NOSTRIN: variants seen among roughly 807,000 people sequenced by gnomAD.
NOSTRIN encodes the protein nitric oxide synthase trafficking.
Under a neutral mutation model 59.0 loss-of-function variants are expected in NOSTRIN, and 63 were observed. That is an observed-to-expected ratio of 1.07 (90% CI 0.87 to 1.32). The LOEUF is 1.32. Among genes scored for constraint, NOSTRIN ranks in the 40% most tolerant of loss-of-function variants. The pLI is 0.00. For missense variants in NOSTRIN, 512 were observed against 473.1 expected, an observed-to-expected ratio of 1.08 and a Z score of -0.76; for synonymous variants, 200 against 165.4, an observed-to-expected ratio of 1.21 and a Z score of -1.61.
At chr2:168,840,208 C>A (rs1687991414) in intron 7 of NOSTRIN, among the ~76,000 whole-genome samples, 1 of 151,896 alleles carries the variant, frequency 6.6e-6, no homozygotes, top group Non-Finnish European at 1.5e-5. Context: ...TTTCTACAGA[C>A]ACATGTGGTT....
At position 168,865,382 on chromosome 2, in the gene NOSTRIN, G is replaced by GAGCCT. The variant is rs1353966064; in HGVS notation, c.*412_*413insAGCCT. The GAGCCT allele has an allele frequency of 6.2e-6, 1 of 160,028 alleles. No homozygotes were observed. The highest frequency in any genetic ancestry group is 2.4e-5 in the African/African-American group (1 of 41,498). 9.9% of individuals were successfully genotyped at this position (160,028 alleles called of 1,614,324 possible). A position where few individuals can be genotyped will look rare whatever the true frequency, so the allele number is the denominator to read the frequency against. On this transcript the variant is annotated 3_prime_UTR_variant, in exon 16 of 16. Transcript: ENST00000317647. ...CAACAGAACACAGCAGGCCTATGAG[G>GAGCCT]GGGTCAAGCAGAGCCTGGGAGATGA...
chr2:168,842,295 C>A (rs1236003679), intron 7 of NOSTRIN, among the ~76,000 whole-genome samples: 6 of 152,082 alleles, frequency 3.9e-5, no homozygotes, highest in Non-Finnish European at 8.8e-5. Flanking sequence ...GCTTCTGAGG[C>A]CTTGATTTTG....
At chr2:168,853,492 G>A (rs1322954192) in intron 10 of NOSTRIN, among the ~76,000 whole-genome samples, 2 of 152,180 alleles carry the variant, frequency 1.3e-5, no homozygotes, top group African/African-American at 4.8e-5. Context: ...AAGGACAAAT[G>A]TTAAGAGTTA....
At chr2:168,857,921 G>A (rs1273893092) in intron 12 of NOSTRIN, among the ~76,000 whole-genome samples, 2 of 152,192 alleles carry the variant, frequency 1.3e-5, no homozygotes. Context: ...CTTGAGTAAG[G>A]TGCTGTTGCA....
intron 5 of NOSTRIN, among the ~76,000 whole-genome samples, chr2:168,830,052 G>A (rs985917796): frequency 5.9e-5 from 9 of 152,174 alleles, no homozygotes; most frequent in African/African-American, 1.9e-4. Flanking sequence ...AGAGTTTCGG[G>A]TGATGGACAG....
intron 10 of NOSTRIN, among the ~76,000 whole-genome samples, chr2:168,855,134 A>G (rs955840184): frequency 4.6e-5 from 7 of 152,380 alleles, no homozygotes; most frequent in Admixed American, 3.9e-4. Flanking sequence ...GTGCTCGGCC[A>G]TGTGACTTAA....
chr2:168,825,532 G>T (rs906674310), intron 3 of NOSTRIN, among the ~76,000 whole-genome samples: 3 of 152,154 alleles, frequency 2.0e-5, no homozygotes, highest in Non-Finnish European at 2.9e-5. Flanking sequence ...GTAATAATAT[G>T]TGCTCTATTG....
intron 5 of NOSTRIN, among the ~76,000 whole-genome samples, chr2:168,829,479 C>G (rs778163668): frequency 1.6e-4 from 25 of 152,076 alleles, no homozygotes; most frequent in Non-Finnish European, 3.5e-4. Context: ...TGCCACCACG[C>G]CTGGCTAATT....
At chr2:168,806,076 G>A (rs1298877596) in intron 1 of NOSTRIN, among the ~76,000 whole-genome samples, 2 of 152,004 alleles carry the variant, frequency 1.3e-5, no homozygotes. Context: ...CAAATACTAC[G>A]CAGATGGTGA....
chr2:168,796,734 G>C (rs960381926), upstream of NOSTRIN, among the ~76,000 whole-genome samples: 4 of 152,030 alleles, frequency 2.6e-5, no homozygotes, highest in African/African-American at 9.7e-5. Flanking sequence ...GCTTGTCAAG[G>C]CCATTTTAAT....
At chr2:168,843,180 G>A in intron 8 of NOSTRIN, 63 bp downstream of exon 8, 2 of 822,122 alleles carry the variant, frequency 2.4e-6, no homozygotes, top group South Asian at 3.0e-5. Context: ...TGAAGATGGA[G>A]GTCAGATTAC....
upstream of NOSTRIN, among the ~76,000 whole-genome samples, chr2:168,797,079 CTTTTTT>C (rs775176252): frequency 1.5e-3 from 112 of 75,026 alleles, no homozygotes; most frequent in African/African-American, 1.8e-3. Context: ...TTTCTTTTTT[CTTTTTT>C]TTTTTTTTTT....
At chr2:168,826,887 C>T (rs1687091679) in intron 3 of NOSTRIN, among the ~76,000 whole-genome samples, 1 of 152,160 alleles carries the variant, frequency 6.6e-6, no homozygotes, top group Non-Finnish European at 1.5e-5. Flanking sequence ...CACTCCTTCC[C>T]ACCCAACTCC....
At chr2:168,835,030 C>T (rs76946655) in intron 7 of NOSTRIN, among the ~76,000 whole-genome samples, 1 of 151,930 alleles carries the variant, frequency 6.6e-6, no homozygotes, top group South Asian at 2.1e-4. Context: ...AAGGTTCAGC[C>T]TTAACTATAG....
At chr2:168,832,882 A>G (rs946408871) in intron 6 of NOSTRIN, among the ~76,000 whole-genome samples, 11 of 152,108 alleles carry the variant, frequency 7.2e-5, no homozygotes, top group African/African-American at 2.7e-4. Flanking sequence ...TTGGCTTCCT[A>G]AAGTGTAGGG....
chr2:168,799,761 G>T (rs904760272), upstream of NOSTRIN, among the ~76,000 whole-genome samples: 1 of 152,218 alleles, frequency 6.6e-6, no homozygotes, highest in Non-Finnish European at 1.5e-5. Flanking sequence ...GAGAGGGAAA[G>T]AAAGACATAT....
At chr2:168,826,629 A>G (rs1432920384) in intron 3 of NOSTRIN, among the ~76,000 whole-genome samples, 4 of 152,216 alleles carry the variant, frequency 2.6e-5, no homozygotes, top group Non-Finnish European at 4.4e-5. Context: ...CTGAGGCCAC[A>G]TGCTTGGTTC....
intron 8 of NOSTRIN, among the ~76,000 whole-genome samples, chr2:168,845,154 A>G (rs1251056864): frequency 6.6e-6 from 1 of 152,216 alleles, no homozygotes; most frequent in African/African-American, 2.4e-5. Flanking sequence ...TATGCTAGAT[A>G]GATTTTAGAT....
intron 1 of NOSTRIN, among the ~76,000 whole-genome samples, chr2:168,807,148 C>G (rs893019561): frequency 6.6e-6 from 1 of 152,162 alleles, no homozygotes; most frequent in African/African-American, 2.4e-5. Context: ...TTTCAGAGTC[C>G]TCTCTGGTGG....
Sources: gnomAD v4.1 joint callset for allele counts (sites outside exome capture counted in the v4.1 genomes callset) on GRCh38, gnomAD v4.1.1 for gene constraint, MANE v1.5 for transcripts, NCBI Gene and HGNC (gene_info 2026-07-23, HGNC 2026-07-21) for gene names.